The following PLEKHD1 variants were observed in gnomAD, a reference collection of about 807,000 sequenced individuals.
The protein encoded by PLEKHD1 is pleckstrin homology domain-containing family D member 1.
Under a neutral mutation model 69.2 loss-of-function variants are expected in PLEKHD1, and 51 were observed. The observed-to-expected ratio is 0.74, with a 90% CI of 0.59 to 0.93. The LOEUF is 0.93. Ranked by LOEUF, PLEKHD1 falls within the 40% of genes least tolerant of loss-of-function variation. The pLI, the probability that PLEKHD1 is intolerant of heterozygous loss-of-function variation, is 0.00. For missense variants in PLEKHD1, 584 were observed against 641.0 expected, an observed-to-expected ratio of 0.91 and a Z score of 0.96; for synonymous variants, 236 against 244.7, an observed-to-expected ratio of 0.96 and a Z score of 0.33.
At chr14:69,502,686 C>A (rs1566559006) in intron 5 of PLEKHD1, 141 bp from the exon 6 acceptor site, 2 of 1,038,454 alleles carry the variant, frequency 1.9e-6, no homozygotes, top group African/African-American at 1.6e-5. Flanking sequence ...GCTGGCCCAC[C>A]CTCTGGCTGG....
intron 8 of PLEKHD1, among the ~76,000 whole-genome samples, chr14:69,525,628 C>T (rs769269928): frequency 3.3e-5 from 5 of 152,054 alleles, no homozygotes; most frequent in South Asian, 2.1e-4. Flanking sequence ...GTGTTTTTCA[C>T]GTAAGCCCAC....
In PLEKHD1 at chr14:69,502,741, G is replaced by A. The variant is rs1470694606; in HGVS notation, c.503-86G>A. ...CTTGGGAGATGCTGGGGGTGACAGC[G>A]ACCACCTCAGGCACCAGCTCCCTCA... is the stretch of plus-strand genomic sequence containing the variant. On this transcript the variant is annotated intron_variant, in intron 5 of 12. Transcript: ENST00000322564. The A allele has an allele frequency of 6.6e-6, 10 of 1,521,526 alleles. No individual in the cohort carries two copies. The African/African-American group carries it at 8.3e-5, about 13-fold the overall frequency. The allele number at this position is 1,521,526 out of a possible 1,614,324, so 94.3% of individuals were successfully genotyped here.
chr14:69,469,430 G>A, the PLEKHD1 span, among the ~76,000 whole-genome samples: 2 of 151,538 alleles, frequency 1.3e-5, no homozygotes, highest in Non-Finnish European at 2.9e-5. Context: ...TTAAGAGACA[G>A]GGTCTCTCTC....
the PLEKHD1 span, among the ~76,000 whole-genome samples, chr14:69,476,896 C>T: frequency 9.9e-5 from 15 of 152,152 alleles, no homozygotes; most frequent in South Asian, 8.3e-4. Flanking sequence ...CAGTTCCATG[C>T]GGCTGGGGAA....
At chr14:69,517,203 G>A (rs1291392988) in intron 6 of PLEKHD1, among the ~76,000 whole-genome samples, 1 of 152,052 alleles carries the variant, frequency 6.6e-6, no homozygotes, top group Non-Finnish European at 1.5e-5. Flanking sequence ...GGAAGGATGA[G>A]GTGAAGCATG....
chr14:69,509,762 A>G (rs985668158), intron 6 of PLEKHD1, among the ~76,000 whole-genome samples: 3 of 152,102 alleles, frequency 2.0e-5, no homozygotes, highest in African/African-American at 7.2e-5. Context: ...ACATGGTGAA[A>G]CCCTGCCTCT....
chr14:69,471,007 G>C, the PLEKHD1 span, among the ~76,000 whole-genome samples: 3 of 150,220 alleles, frequency 2.0e-5, no homozygotes, highest in South Asian at 2.1e-4. Context: ...TAGCCAGGAT[G>C]GTCTCGATCT....
chr14:69,473,925 GCC>G, the PLEKHD1 span, among the ~76,000 whole-genome samples: 3 of 152,160 alleles, frequency 2.0e-5, no homozygotes, highest in African/African-American at 7.2e-5. Flanking sequence ...CAGCCCTCCA[GCC>G]CCCATCTGAA....
rs79526148 is a variant in PLEKHD1 at position 69,503,011 on chromosome 14, C to G, written c.555+132C>G. On this transcript the variant is annotated intron_variant, in intron 6 of 12. Coordinates refer to ENST00000322564, the MANE Select transcript of PLEKHD1 (RefSeq NM_001161498.2). ...ATCAGATGGGGCAGGGCGGGGAGGCCAAATGGGATCACAGTGCTTGCTTGG... is the reference window on the plus strand; with the variant it reads ...ATCAGATGGGGCAGGGCGGGGAGGCGAAATGGGATCACAGTGCTTGCTTGG... 5.2e-3 allele frequency: 5,181 copies of G among 1,004,920 alleles called. 20 individuals are homozygous for G. Among genetic ancestry groups the G allele is most frequent in the Non-Finnish European group, 7.2e-3 (4,763 of 664,392 alleles). The allele number at this position is 1,004,920 out of a possible 1,614,324, so 62.3% of individuals were successfully genotyped here. A position where few individuals can be genotyped will look rare whatever the true frequency, so the allele number is the denominator to read the frequency against.
the PLEKHD1 span, among the ~76,000 whole-genome samples, chr14:69,473,016 ACCGTC>A: frequency 4.6e-5 from 7 of 152,176 alleles, no homozygotes; most frequent in Non-Finnish European, 1.0e-4. Flanking sequence ...ATGATCCATC[ACCGTC>A]TCCCATCATC....
chr14:69,519,806 G>A (rs79599388), intron 6 of PLEKHD1, among the ~76,000 whole-genome samples: 1 of 152,312 alleles, frequency 6.6e-6, no homozygotes, highest in East Asian at 1.9e-4. Flanking sequence ...GGGATGGGGT[G>A]GAGCCTCCAG....
At chr14:69,469,808 G>A in the PLEKHD1 span, among the ~76,000 whole-genome samples, 5 of 151,794 alleles carry the variant, frequency 3.3e-5, no homozygotes, top group East Asian at 1.9e-4. Flanking sequence ...TGCAACCTCC[G>A]CCTCCCAGGT....
chr14:69,518,950 T>C lies in PLEKHD1; in HGVS notation c.556-3333T>C, dbSNP rs572481902. Among the ~76,000 whole-genome samples, 8 of 151,952 alleles carry C rather than the reference T, an allele frequency of 5.3e-5. 1 individual carries two copies. The highest frequency in any genetic ancestry group is 1.2e-4 in the Non-Finnish European group (8 of 67,996). On this transcript the variant is annotated intron_variant, in intron 6 of 12. Coordinates refer to ENST00000322564, the MANE Select transcript of PLEKHD1 (RefSeq NM_001161498.2). ...GTTTTGCTAAGAGCTGTTCCCTAGC[T>C]CTTATTTTGGTGACAGGGACATGCA...
At chr14:69,518,293 G>A (rs1594989666) in intron 6 of PLEKHD1, among the ~76,000 whole-genome samples, 2 of 151,930 alleles carry the variant, frequency 1.3e-5, no homozygotes, top group African/African-American at 4.8e-5. Context: ...CTCCCACCTC[G>A]GCCTCCCATG....
At position 69,520,200 on chromosome 14, in the gene PLEKHD1, C is replaced by G. The variant is rs1883481847; in HGVS notation, c.556-2083C>G. On this transcript the variant is annotated intron_variant, in intron 6 of 12. Transcript: ENST00000322564. ...AAAAAAAAAAAAAAAAAAAAAAGAG[C>G]TGGGCACCTTTGTTATTTTCCAGTG... Among the ~76,000 whole-genome samples the G allele has an allele frequency of 8.7e-5, 11 of 125,888 alleles. No homozygotes were observed. In the South Asian group the frequency reaches 2.0e-3, roughly 23 times the overall value. The allele number at this position is 125,888 out of a possible 152,430, so 82.6% of individuals were successfully genotyped here.
chr14:69,476,039 C>G, the PLEKHD1 span, among the ~76,000 whole-genome samples: 14 of 152,262 alleles, frequency 9.2e-5, no homozygotes, highest in South Asian at 1.7e-3. Context: ...AGGTGGATCA[C>G]TTGAGGTCAG....
intron 1 of PLEKHD1, among the ~76,000 whole-genome samples, chr14:69,487,182 A>AACACACACACACAC (rs199671230): frequency 1.0e-3 from 142 of 140,450 alleles, no homozygotes; most frequent in African/African-American, 1.8e-3. Flanking sequence ...GGGAATACAC[A>AACACACACACACAC]ACACACACAC....
intron 4 of PLEKHD1, 85 bp downstream of exon 4, chr14:69,501,032 G>A (rs1183464378): frequency 7.3e-7 from 1 of 1,375,938 alleles, no homozygotes; most frequent in African/African-American, 1.4e-5. Flanking sequence ...CTCTCTGCTG[G>A]GATCCTGGTG....
At chr14:69,468,684 G>T in the PLEKHD1 span, among the ~76,000 whole-genome samples, 1 of 152,026 alleles carries the variant, frequency 6.6e-6, no homozygotes. Context: ...GAGCTCCAGC[G>T]ATCCTCCCAC....
Sources: allele counts gnomAD v4.1 joint callset (sites outside exome capture counted in the v4.1 genomes callset), GRCh38; gene constraint gnomAD v4.1.1; transcripts MANE v1.5; gene names NCBI Gene and HGNC (gene_info 2026-07-23, HGNC 2026-07-21).